Variants in SERPINB8 observed in about 807,000 individuals in gnomAD.
SERPINB8 encodes serpin B8.
A neutral mutation model predicts 35.3 loss-of-function variants in SERPINB8; 25 were observed. That is an observed-to-expected ratio of 0.71 (90% CI 0.52 to 0.99). The LOEUF (loss-of-function observed/expected upper bound fraction) is 0.99, where lower values mean the gene tolerates loss of function less well. Among genes scored for constraint, SERPINB8 ranks in the 50% least tolerant of loss-of-function variants. The pLI, the probability that SERPINB8 is intolerant of heterozygous loss-of-function variation, is 0.00. For missense variants in SERPINB8, 484 were observed against 446.5 expected (o/e 1.08, Z -0.76); for synonymous variants, 186 against 160.8 (o/e 1.16, Z -1.19).
intron 1 of SERPINB8, among the ~76,000 whole-genome samples, chr18:63,972,226 A>T (rs2050496073): frequency 6.6e-6 from 1 of 152,052 alleles, no homozygotes; most frequent in Admixed American, 6.5e-5. Context: ...CCTGAGTTTC[A>T]TGATAATAAC....
Position 63,997,934 on chromosome 18 carries a change from C to T in SERPINB8, c.71-6885C>T, listed in dbSNP as rs2050857751. Among the ~76,000 whole-genome samples the T allele has an allele frequency of 2.0e-5, 3 of 152,236 alleles. No homozygotes were observed. The South Asian group carries it at 6.2e-4, about 32-fold the overall frequency. On this transcript the variant is annotated intron_variant, in intron 1 of 1. Transcript: ENST00000493661. ...CTAAACATGGAGAATGATTTGTCATCTGCCCCAGAGATAACAGATATTCAA... is the reference window on the plus strand; with the variant it reads ...CTAAACATGGAGAATGATTTGTCATTTGCCCCAGAGATAACAGATATTCAA...
chr18:63,986,064 C>T (rs945095520), intron 6 of SERPINB8, among the ~76,000 whole-genome samples: 1 of 152,100 alleles, frequency 6.6e-6, no homozygotes, highest in African/African-American at 2.4e-5. Context: ...AATCAGAAAG[C>T]TACTGCCCTA....
chr18:64,001,635 C>T (rs1400855788), intron 1 of SERPINB8, among the ~76,000 whole-genome samples: 3 of 152,058 alleles, frequency 2.0e-5, no homozygotes, highest in African/African-American at 7.2e-5. Context: ...CGATTATAGG[C>T]GCCCACCACA....
intron 1 of SERPINB8, among the ~76,000 whole-genome samples, chr18:63,972,369 A>G (rs1474710494): frequency 6.6e-6 from 1 of 152,206 alleles, no homozygotes; most frequent in Middle Eastern, 3.2e-3. Context: ...GGAATTGTCC[A>G]TGTCAAAAAC....
chr18:63,987,385 G>A lies in SERPINB8; in HGVS notation c.*107G>A, dbSNP rs754492740. The A allele has an allele frequency of 8.8e-4, 993 of 1,125,280 alleles. No individual in the cohort carries two copies. Among genetic ancestry groups the A allele is most frequent in the Non-Finnish European group, 8.3e-4 (648 of 781,232 alleles). The allele number at this position is 1,125,280 out of a possible 1,614,324, so 69.7% of individuals were successfully genotyped here. On this transcript the variant is annotated 3_prime_UTR_variant, in exon 7 of 7. Coordinates refer to ENST00000397985, the MANE Select transcript of SERPINB8 (RefSeq NM_002640.4). ...AGTGGCTTGAATGCCAAAATAAAGC[G>A]TGTGCACTGGATAGTGTGTGAAAGT...
chr18:63,981,679 C>A (rs1248895302), intron 3 of SERPINB8, 42 bp from the exon 4 acceptor site: 7 of 1,369,500 alleles, frequency 5.1e-6, no homozygotes, highest in Non-Finnish European at 4.1e-6. Flanking sequence ...TTTGTGGGAA[C>A]CTTTACCAAA....
chr18:63,989,546 T>C (rs903897227), downstream of SERPINB8, among the ~76,000 whole-genome samples: 1 of 152,182 alleles, frequency 6.6e-6, no homozygotes, highest in African/African-American at 2.4e-5. Flanking sequence ...GTTCTGGTTT[T>C]TCTCTCTTCT....
rs2050675313 is a variant in SERPINB8, at chr18:63,981,774, C to T, written c.360C>T (p.Ser120=). Reference sequence around the variant, plus strand: ...ATCAGGCAGAGCTGGAGGAGTTGTCCTTTGCTGAAGACACTGAAGAGTGCA... The same window carrying T: ...ATCAGGCAGAGCTGGAGGAGTTGTCTTTTGCTGAAGACACTGAAGAGTGCA... ...KFYQAELEEL[S]FAEDTEECRK... The change falls in exon 4 of 7, where the codon TCC becomes TCT. Residue 120 remains serine, a synonymous_variant. Transcript: ENST00000397985. 1 of 1,613,906 alleles carries T rather than the reference C, an allele frequency of 6.2e-7. No homozygotes were observed. The highest frequency in any genetic ancestry group is 8.5e-7 in the Non-Finnish European group (1 of 1,179,866).
rs2050787350 is a variant in SERPINB8, at chr18:63,987,912, T to C, written c.*634T>C. 2 of 152,332 alleles carry C rather than the reference T, an allele frequency of 1.3e-5. No individual in the cohort carries two copies. The highest frequency in any genetic ancestry group is 4.8e-5 in the African/African-American group (2 of 41,464). The allele number at this position is 152,332 out of a possible 1,614,324, so 9.4% of individuals were successfully genotyped here. On this transcript the variant is annotated 3_prime_UTR_variant, in exon 7 of 7. Coordinates refer to ENST00000397985, the MANE Select transcript of SERPINB8 (RefSeq NM_002640.4). ...GGCAAATATCTGAAGCTTGCTATGC[T>C]GTTCTTTCCATTCCTTTTCCCTCTG...
chr18:64,001,335 T>TA (rs970541994), intron 1 of SERPINB8, among the ~76,000 whole-genome samples: 1 of 152,202 alleles, frequency 6.6e-6, no homozygotes, highest in African/African-American at 2.4e-5. Context: ...TTGCACGTAT[T>TA]AAAAGGGTGC....
intron 3 of SERPINB8, among the ~76,000 whole-genome samples, chr18:63,980,628 C>G (rs1350375902): frequency 6.6e-6 from 1 of 152,188 alleles, no homozygotes; most frequent in Non-Finnish European, 1.5e-5. Context: ...CGGAATTTGC[C>G]TGCTCTGGGT....
In SERPINB8 at chr18:63,988,120, T is replaced by C. The variant is rs2050790024; in HGVS notation, c.*842T>C. The C allele has an allele frequency of 6.6e-6, 1 of 152,180 alleles. No individual in the cohort carries two copies. The highest frequency in any genetic ancestry group is 1.5e-5 in the Non-Finnish European group (1 of 68,022). 9.4% of individuals were successfully genotyped at this position (152,180 alleles called of 1,614,324 possible). ...GCAATTTGGAAACTACAGCAAAGTC[T>C]CCAAAAAAATTGAAGTCACCCACAA... On this transcript the variant is annotated 3_prime_UTR_variant, in exon 7 of 7. Coordinates refer to ENST00000397985, the MANE Select transcript of SERPINB8 (RefSeq NM_002640.4).
At chr18:63,983,044 CA>C (rs1345678105) in intron 4 of SERPINB8, among the ~76,000 whole-genome samples, 1 of 152,148 alleles carries the variant, frequency 6.6e-6, no homozygotes, top group Non-Finnish European at 1.5e-5. Context: ...GATCCTCAAC[CA>C]GGGGTAGCTT....
In SERPINB8 at chr18:63,987,395, G is replaced by C; in HGVS notation, c.*117G>C. ...ATGCCAAAATAAAGCGTGTGCACTGGATAGTGTGTGAAAGTCTTTGCTGAA... is the reference window on the plus strand; with the variant it reads ...ATGCCAAAATAAAGCGTGTGCACTGCATAGTGTGTGAAAGTCTTTGCTGAA... On this transcript the variant is annotated 3_prime_UTR_variant, in exon 7 of 7. Transcript: ENST00000397985. 1 of 1,052,054 alleles carries C rather than the reference G, an allele frequency of 9.5e-7. No individual in the cohort carries two copies. Among genetic ancestry groups the C allele is most frequent in the Non-Finnish European group, 1.4e-6 (1 of 722,454 alleles). The allele number at this position is 1,052,054 out of a possible 1,614,324, so 65.2% of individuals were successfully genotyped here. A position where few individuals can be genotyped will look rare whatever the true frequency, so the allele number is the denominator to read the frequency against.
At chr18:63,992,341 G>T (rs558834593), downstream of SERPINB8, among the ~76,000 whole-genome samples, 7 of 152,256 alleles carry the variant, frequency 4.6e-5, no homozygotes, top group Non-Finnish European at 7.4e-5. Context: ...TTGGTAGCTT[G>T]TGTCTTTCAA....
chr18:63,976,608 A>G (rs1306255340), intron 1 of SERPINB8, among the ~76,000 whole-genome samples: 1 of 152,214 alleles, frequency 6.6e-6, no homozygotes, highest in Non-Finnish European at 1.5e-5. Context: ...AAGTTCTCTA[A>G]ATAAAATGCT....
At chr18:64,006,604 C>T (rs953565075), downstream of SERPINB8, among the ~76,000 whole-genome samples, 12 of 152,156 alleles carry the variant, frequency 7.9e-5, no homozygotes, top group Admixed American at 2.6e-4. Context: ...ATTTAAGCCA[C>T]CCAGTCTGTG....
intron 1 of SERPINB8, among the ~76,000 whole-genome samples, chr18:63,976,650 G>A (rs1198729506): frequency 6.6e-6 from 1 of 152,204 alleles, no homozygotes; most frequent in African/African-American, 2.4e-5. Flanking sequence ...CCTAGAGGCA[G>A]GAGGAAGCCT....
chr18:63,986,363 C>T lies in SERPINB8; in HGVS notation c.721-511C>T, dbSNP rs1011560638. ...TGCATTCCCCATTTCTCGTCTCATG[C>T]TCCCTTCTCATGCCTCCCTTCATCT... is the stretch of plus-strand genomic sequence containing the variant. On this transcript the variant is annotated intron_variant, in intron 6 of 6. Coordinates refer to ENST00000397985, the MANE Select transcript of SERPINB8 (RefSeq NM_002640.4). The T allele has an allele frequency of 5.1e-6, 8 of 1,582,780 alleles. No homozygotes were observed. The Admixed American group carries it at 5.4e-5, about 11-fold the overall frequency.
Sources: gnomAD v4.1 joint callset for allele counts (sites outside exome capture counted in the v4.1 genomes callset) on GRCh38, gnomAD v4.1.1 for gene constraint, MANE v1.5 for transcripts, NCBI Gene and HGNC (gene_info 2026-07-23, HGNC 2026-07-21) for gene names.